The following SIK3 variants were observed in gnomAD, a reference collection of about 807,000 sequenced individuals.
SIK3 encodes the protein serine/threonine-protein kinase SIK3.
In SIK3, 28 loss-of-function variants were observed where a neutral mutation model predicts 144.2. The observed-to-expected ratio is 0.19, with a 90% CI of 0.14 to 0.27. SIK3 has a LOEUF of 0.27. Ranked by LOEUF, SIK3 falls within the 10% of genes least tolerant of loss-of-function variation. The pLI is 1.00. For missense variants in SIK3, 1,319 were observed against 1,776.0 expected (o/e 0.74, Z 4.62); for synonymous variants, 686 against 676.3 (o/e 1.01, Z -0.22).
At chr11:117,068,788 T>C (rs890514244) in intron 1 of SIK3, among the ~76,000 whole-genome samples, 6 of 152,240 alleles carry the variant, frequency 3.9e-5, no homozygotes, top group Admixed American at 2.0e-4. Context: ...TAACCCAAAA[T>C]GTTCTTTCCT....
intron 3 of SIK3, among the ~76,000 whole-genome samples, chr11:116,945,378 T>C (rs1948532250): frequency 7.4e-6 from 1 of 135,580 alleles, no homozygotes; most frequent in South Asian, 2.3e-4. Context: ...GCTTCATGAA[T>C]TCTTTTTTTT....
chr11:116,913,595 A>G (rs1007587065), intron 4 of SIK3, among the ~76,000 whole-genome samples: 2 of 152,220 alleles, frequency 1.3e-5, no homozygotes. Context: ...CACTTTCTAC[A>G]ACACATGCAA....
chr11:117,054,351 GTC>G (rs1175939867), intron 1 of SIK3, among the ~76,000 whole-genome samples: 1 of 152,206 alleles, frequency 6.6e-6, no homozygotes, highest in Admixed American at 6.5e-5. Context: ...ACAGTCAGTA[GTC>G]TGCATATACT....
intron 1 of SIK3, among the ~76,000 whole-genome samples, chr11:116,978,506 T>C (rs1346007746): frequency 2.0e-5 from 3 of 151,980 alleles, no homozygotes. Flanking sequence ...AATAGAATCA[T>C]ACTCGTTTTT....
At chr11:117,036,616 A>G (rs547143219) in intron 1 of SIK3, among the ~76,000 whole-genome samples, 18 of 152,378 alleles carry the variant, frequency 1.2e-4, no homozygotes, top group African/African-American at 4.1e-4. Context: ...GAAAATAGGC[A>G]TATTTATTGT....
rs115899783 is a variant in SIK3 at position 116,852,991 on chromosome 11, C to T, written c.3656-3708G>A. The stretch of plus-strand genomic sequence containing the variant: ...CTGTGCTTGGAGGGTGCAGAGTGGG[C>T]AAGGAGGCGTAAAGGAAAAAATACA... On this transcript the variant is annotated intron_variant, in intron 21 of 24. Transcript: ENST00000445177. 8.5e-3 allele frequency among the ~76,000 whole-genome samples: 1,300 copies of T among 152,150 alleles called. 22 individuals carry two copies. The highest frequency in any genetic ancestry group is 0.029 in the African/African-American group (1,214 of 41,490).
At chr11:116,910,411 AT>A (rs527856977) in intron 4 of SIK3, among the ~76,000 whole-genome samples, 269 of 151,194 alleles carry the variant, frequency 1.8e-3, no homozygotes, top group Middle Eastern at 0.014. Context: ...AACTCTCCCC[AT>A]TTTTTTTTAA....
At chr11:116,998,408 C>G (rs1316838779) in intron 1 of SIK3, among the ~76,000 whole-genome samples, 1 of 148,522 alleles carries the variant, frequency 6.7e-6, no homozygotes, top group Non-Finnish European at 1.5e-5. Context: ...GAGGCGAAGG[C>G]TGCAGTGAGC....
At chr11:116,889,004 A>C (rs1169549416) in intron 6 of SIK3, among the ~76,000 whole-genome samples, 3 of 152,218 alleles carry the variant, frequency 2.0e-5, no homozygotes, top group Non-Finnish European at 4.4e-5. Flanking sequence ...GGAGGATAGA[A>C]AAGATCCAAG....
At chr11:117,084,807 T>C (rs1162555759) in intron 1 of SIK3, among the ~76,000 whole-genome samples, 1 of 152,128 alleles carries the variant, frequency 6.6e-6, no homozygotes, top group Non-Finnish European at 1.5e-5. Context: ...TCAAGAGGGA[T>C]GCTGTACTAA....
chr11:116,892,895 C>A (rs1945204036), intron 6 of SIK3, among the ~76,000 whole-genome samples: 1 of 152,168 alleles, frequency 6.6e-6, no homozygotes, highest in Non-Finnish European at 1.5e-5. Flanking sequence ...GAAACGGGCT[C>A]TCAAGCCATG....
At chr11:116,955,126 A>C (rs1305708754) in intron 2 of SIK3, among the ~76,000 whole-genome samples, 1 of 151,680 alleles carries the variant, frequency 6.6e-6, no homozygotes, top group Non-Finnish European at 1.5e-5. Flanking sequence ...GGCCAGGCGC[A>C]GTGGCTCACG....
At chr11:116,890,909 T>C (rs888055804) in intron 6 of SIK3, among the ~76,000 whole-genome samples, 1 of 152,190 alleles carries the variant, frequency 6.6e-6, no homozygotes, top group African/African-American at 2.4e-5. Flanking sequence ...TTCTATGTCA[T>C]TGTTTCTGAA....
intron 1 of SIK3, among the ~76,000 whole-genome samples, chr11:117,067,600 A>T (rs1284862214): frequency 1.3e-5 from 2 of 152,190 alleles, no homozygotes; most frequent in Admixed American, 1.3e-4. Context: ...TGGTTATTAA[A>T]TGGGTGTGTA....
At chr11:116,900,954 T>C (rs1283649022) in intron 4 of SIK3, among the ~76,000 whole-genome samples, 1 of 151,880 alleles carries the variant, frequency 6.6e-6, no homozygotes, top group African/African-American at 2.4e-5. Flanking sequence ...AACCTCCACC[T>C]CCCAGGTTCA....
intron 3 of SIK3, among the ~76,000 whole-genome samples, chr11:116,939,919 A>G (rs1284236951): frequency 6.6e-6 from 1 of 152,204 alleles, no homozygotes; most frequent in Non-Finnish European, 1.5e-5. Context: ...AACTCAATGG[A>G]TGTATGGATT....
intron 1 of SIK3, among the ~76,000 whole-genome samples, chr11:116,970,629 C>T (rs778707277): frequency 3.9e-5 from 6 of 152,106 alleles, no homozygotes; most frequent in Non-Finnish European, 8.8e-5. Context: ...GGATAACAGG[C>T]ATGAGCCACC....
intron 6 of SIK3, among the ~76,000 whole-genome samples, chr11:116,877,743 C>A (rs527271748): frequency 2.2e-5 from 3 of 139,394 alleles, no homozygotes; most frequent in African/African-American, 8.3e-5. Flanking sequence ...AATCAAGAAA[C>A]GTATATTCTG....
chr11:116,911,294 G>A (rs1038385382), intron 4 of SIK3, among the ~76,000 whole-genome samples: 10 of 152,108 alleles, frequency 6.6e-5, no homozygotes, highest in Admixed American at 2.6e-4. Context: ...GATCACCTGA[G>A]GTCAGGAGTT....
Sources: allele counts gnomAD v4.1 joint callset (sites outside exome capture counted in the v4.1 genomes callset), GRCh38; gene constraint gnomAD v4.1.1; transcripts MANE v1.5; gene names NCBI Gene and HGNC (gene_info 2026-07-23, HGNC 2026-07-21).